Variants in FSTL5 observed in about 807,000 individuals in gnomAD.
FSTL5 encodes the protein follistatin like 5.
In FSTL5, 62 loss-of-function variants were observed where a neutral mutation model predicts 89.1. The ratio of observed to expected loss-of-function variants is 0.70; its 90% CI spans 0.57 to 0.86. FSTL5 has a LOEUF of 0.86. FSTL5 is among the 40% of genes least tolerant of loss of function. The probability of loss-of-function intolerance (pLI) is 0.00; values close to 1 mark genes in which losing one functional copy is unlikely to be tolerated. For missense variants in FSTL5, 1,057 were observed against 1,001.6 expected, an observed-to-expected ratio of 1.06 and a Z score of -0.75; for synonymous variants, 383 against 346.2, an observed-to-expected ratio of 1.11 and a Z score of -1.18.
chr4:161,652,749 G>T (rs192435206), intron 7 of FSTL5, among the ~76,000 whole-genome samples: 1 of 151,856 alleles, frequency 6.6e-6, no homozygotes, highest in Admixed American at 6.6e-5. Context: ...GTAATTGTTC[G>T]CAATTAAAAT....
chr4:161,687,895 T>C (rs912515787), intron 6 of FSTL5, among the ~76,000 whole-genome samples: 20 of 152,336 alleles, frequency 1.3e-4, no homozygotes, highest in African/African-American at 4.6e-4. Flanking sequence ...TCAGCCCTCA[T>C]GAATGAATTA....
At chr4:161,668,502 C>G (rs1224604362) in intron 6 of FSTL5, among the ~76,000 whole-genome samples, 2 of 152,282 alleles carry the variant, frequency 1.3e-5, no homozygotes, top group South Asian at 2.1e-4. Context: ...GAAATACTTT[C>G]TAACTCATTC....
intron 4 of FSTL5, among the ~76,000 whole-genome samples, chr4:161,899,946 GC>G (rs1733298280): frequency 6.6e-6 from 1 of 152,188 alleles, no homozygotes; most frequent in Non-Finnish European, 1.5e-5. Flanking sequence ...TGTAATACCA[GC>G]AAAATTGGTG....
chr4:161,991,039 A>G (rs899265313), intron 3 of FSTL5, among the ~76,000 whole-genome samples: 2 of 152,192 alleles, frequency 1.3e-5, no homozygotes, highest in African/African-American at 4.8e-5. Context: ...CTAGATATGA[A>G]CCAAATCCCA....
chr4:161,745,381 A>C (rs1191665585), intron 6 of FSTL5, among the ~76,000 whole-genome samples: 1 of 152,110 alleles, frequency 6.6e-6, no homozygotes, highest in Non-Finnish European at 1.5e-5. Context: ...CTACTTTCTT[A>C]GAAATAAATA....
At chr4:161,823,284 A>T (rs1730551474) in intron 4 of FSTL5, among the ~76,000 whole-genome samples, 2 of 152,104 alleles carry the variant, frequency 1.3e-5, no homozygotes, top group South Asian at 4.2e-4. Flanking sequence ...GGCAACATCA[A>T]CATGCCATCC....
chr4:161,533,200 C>T (rs1290633542), intron 10 of FSTL5, among the ~76,000 whole-genome samples: 1 of 147,030 alleles, frequency 6.8e-6, no homozygotes, highest in Non-Finnish European at 1.5e-5. Flanking sequence ...CAATTCCAAA[C>T]CTAATTGAAG....
At chr4:161,451,793 C>G (rs1416531683) in intron 15 of FSTL5, among the ~76,000 whole-genome samples, 3 of 152,228 alleles carry the variant, frequency 2.0e-5, no homozygotes, top group Admixed American at 6.5e-5. Context: ...GTTCTTCCCT[C>G]AGTACCAGCT....
intron 7 of FSTL5, among the ~76,000 whole-genome samples, chr4:161,609,779 T>C (rs1216798693): frequency 6.6e-6 from 1 of 152,132 alleles, no homozygotes; most frequent in East Asian, 1.9e-4. Flanking sequence ...TTTAGGGCAG[T>C]GCAAAGCAGC....
At chr4:161,721,118 A>G (rs1307743890) in intron 6 of FSTL5, among the ~76,000 whole-genome samples, 4 of 151,228 alleles carry the variant, frequency 2.6e-5, no homozygotes, top group African/African-American at 9.7e-5. Context: ...CTCTACTAAA[A>G]ATACAAAAAA....
At chr4:161,704,035 C>T (rs1738488802) in intron 6 of FSTL5, among the ~76,000 whole-genome samples, 1 of 152,096 alleles carries the variant, frequency 6.6e-6, no homozygotes, top group African/African-American at 2.4e-5. Flanking sequence ...CTTGGGTCCC[C>T]CAAACCACTA....
At chr4:161,584,623 T>G (rs956216986) in intron 8 of FSTL5, among the ~76,000 whole-genome samples, 1 of 152,184 alleles carries the variant, frequency 6.6e-6, no homozygotes, top group African/African-American at 2.4e-5. Flanking sequence ...GAAGTGTTCT[T>G]GATTTTTTCA....
chr4:161,559,805 T>C (rs1732524934), intron 8 of FSTL5, among the ~76,000 whole-genome samples: 1 of 151,950 alleles, frequency 6.6e-6, no homozygotes, highest in Admixed American at 6.6e-5. Flanking sequence ...GTTGTCACCA[T>C]GGGAAGCTCA....
chr4:161,442,731 T>C (rs1732814444), intron 15 of FSTL5, among the ~76,000 whole-genome samples: 1 of 152,012 alleles, frequency 6.6e-6, no homozygotes, highest in African/African-American at 2.4e-5. Flanking sequence ...AAAAGGAAAA[T>C]AGCGTTTGTT....
intron 12 of FSTL5, among the ~76,000 whole-genome samples, chr4:161,486,885 A>C (rs1729701635): frequency 1.3e-5 from 2 of 152,222 alleles, no homozygotes; most frequent in Non-Finnish European, 2.9e-5. Context: ...TTATCAACAA[A>C]TGTCCTGTCC....
rs113930710 is a variant in FSTL5, at chr4:161,421,154, A to G, written c.1841+33850T>C. On this transcript the variant is annotated intron_variant, in intron 15 of 15. Coordinates refer to ENST00000306100, the MANE Select transcript of FSTL5 (RefSeq NM_020116.5). ...CAGGAGATCGAGACCATCCTGGCTA[A>G]CACTGTGAAACCCAACTCTACTAAA... Among the ~76,000 whole-genome samples the G allele has an allele frequency of 7.1e-3, 1,085 of 152,150 alleles. 10 individuals carry two copies. The highest frequency in any genetic ancestry group is 0.024 in the African/African-American group (1,002 of 41,528).
At chr4:161,621,102 A>G (rs1177240003) in intron 7 of FSTL5, among the ~76,000 whole-genome samples, 2 of 152,226 alleles carry the variant, frequency 1.3e-5, no homozygotes, top group African/African-American at 4.8e-5. Flanking sequence ...CACATGGGAC[A>G]TTCACAAGAT....
At chr4:162,106,452 T>G (rs1731229167) in intron 2 of FSTL5, among the ~76,000 whole-genome samples, 1 of 152,196 alleles carries the variant, frequency 6.6e-6, no homozygotes, top group Admixed American at 6.5e-5. Context: ...TTGTAAGCTA[T>G]GTAACTGACC....
At chr4:161,630,602 G>A (rs1735470513) in intron 7 of FSTL5, among the ~76,000 whole-genome samples, 1 of 152,100 alleles carries the variant, frequency 6.6e-6, no homozygotes, top group Non-Finnish European at 1.5e-5. Context: ...GACAGTGATT[G>A]GCTATATCAC....
Sources: gnomAD v4.1 joint callset for allele counts (sites outside exome capture counted in the v4.1 genomes callset) on GRCh38, gnomAD v4.1.1 for gene constraint, MANE v1.5 for transcripts, NCBI Gene and HGNC (gene_info 2026-07-23, HGNC 2026-07-21) for gene names.